NTN5: variants seen among roughly 807,000 people sequenced by gnomAD.
NTN5 encodes the protein netrin 5.
NTN5 carries 42 observed loss-of-function variants against 38.7 expected under a neutral mutation model. The ratio of observed to expected loss-of-function variants is 1.08; its 90% CI spans 0.85 to 1.40. NTN5 has a LOEUF of 1.40. NTN5 is among the 40% of genes most tolerant of loss of function. The pLI is 0.00. For synonymous variants in NTN5, 329 were observed against 303.9 expected (o/e 1.08, Z -0.86); for missense variants, 658 against 716.5 (o/e 0.92, Z 0.93).
intron 2 of NTN5, among the ~76,000 whole-genome samples, chr19:48,669,270 T>C (rs867316170): frequency 8.4e-4 from 3 of 3,560 alleles, no homozygotes; most frequent in African/African-American, 2.1e-3. Flanking sequence ...ACGACCATCA[T>C]CACCACCACC....
rs930033496 is a variant in NTN5 at position 48,661,985 on chromosome 19, C to A, written c.1162G>T (p.Ala388Ser). Residue 388 changes from alanine (A) to serine (S), a missense_variant, in exon 7 of 7, where the codon GCC becomes TCC. Ala to Ser is a moderately conservative substitution (Grantham distance 99). Coordinates refer to ENST00000270235, the MANE Select transcript of NTN5 (RefSeq NM_145807.4). ...EAAGPAWQRL[A>S]VRVLAVYKQR... ...TTGTAAACGGCCAGCACGCGCACGG[C>A]CAGCCGCTGCCATGCCGGGCCCGCC... is the stretch of plus-strand genomic sequence containing the variant. 33 of 1,483,712 alleles carry A rather than the reference C, an allele frequency of 2.2e-5. No homozygotes were observed. The African/African-American group carries it at 4.6e-4, about 21-fold the overall frequency. 91.9% of individuals were successfully genotyped at this position (1,483,712 alleles called of 1,614,324 possible).
chr19:48,668,216 T>C (rs933040962), intron 2 of NTN5, among the ~76,000 whole-genome samples: 3 of 152,064 alleles, frequency 2.0e-5, no homozygotes, highest in Non-Finnish European at 2.9e-5. Context: ...CTGGGTTAAA[T>C]CCCTTGCTGG....
At chr19:48,669,851 A>G (rs1601213499) in intron 2 of NTN5, among the ~76,000 whole-genome samples, 1 of 127,550 alleles carries the variant, frequency 7.8e-6, no homozygotes, top group Non-Finnish European at 1.7e-5. Context: ...CACCACTACC[A>G]TCACCACCAC....
intron 4 of NTN5, 68 bp downstream of exon 4, chr19:48,664,075 G>A (rs1051349741): frequency 1.3e-6 from 2 of 1,509,692 alleles, no homozygotes; most frequent in African/African-American, 1.4e-5. Context: ...CTGCAGCTGT[G>A]CACTGGAGAC....
Position 48,670,603 on chromosome 19 carries a change from A to G in NTN5, c.384T>C (p.Gly128=). Residue 128 remains glycine (G), a synonymous_variant, in exon 2 of 7, where the codon GGT becomes GGC. Coordinates refer to ENST00000270235, the MANE Select transcript of NTN5 (RefSeq NM_145807.4). ...PERVTFHSTP[G]PKATVAASHL... ...GGCTGGCCGCCACAGTGGCCTTAGG[A>G]CCTGGTGTGGAGTGGAAGGTCACCC... 1 of 1,591,922 alleles carries G rather than the reference A, an allele frequency of 6.3e-7. No individual in the cohort carries two copies. The highest frequency in any genetic ancestry group is 8.5e-7 in the Non-Finnish European group (1 of 1,169,850).
At chr19:48,668,349 A>G (rs529490067) in intron 2 of NTN5, among the ~76,000 whole-genome samples, 9 of 152,210 alleles carry the variant, frequency 5.9e-5, no homozygotes, top group African/African-American at 1.2e-4. Flanking sequence ...GGCTTTATTT[A>G]AAGGCTTTAT....
intron 2 of NTN5, among the ~76,000 whole-genome samples, chr19:48,669,746 C>CACCATCACCATCATCACCACT (rs2031871433): frequency 2.3e-5 from 3 of 128,040 alleles, no homozygotes; most frequent in Non-Finnish European, 4.9e-5. Flanking sequence ...CCATCACCAC[C>CACCATCACCATCATCACCACT]ACCATCACCA....
chr19:48,671,256 C>T (rs1274198028), intron 1 of NTN5, among the ~76,000 whole-genome samples: 3 of 152,016 alleles, frequency 2.0e-5, no homozygotes, highest in Non-Finnish European at 4.4e-5. Flanking sequence ...AGTTATCCGT[C>T]AGTGTCGAGG....
chr19:48,662,996 G>T (rs1056455703), intron 6 of NTN5: 10 of 340,256 alleles, frequency 2.9e-5, no homozygotes, highest in Middle Eastern at 1.1e-3. Context: ...GAGCTGAATA[G>T]CCTGAGGTCA....
intron 1 of NTN5, among the ~76,000 whole-genome samples, chr19:48,672,340 G>C (rs1325354773): frequency 6.6e-6 from 1 of 152,182 alleles, no homozygotes; most frequent in Non-Finnish European, 1.5e-5. Flanking sequence ...GCTCACTGTG[G>C]ACTGGGGGCC....
At chr19:48,671,840 A>G (rs1315669655) in intron 1 of NTN5, among the ~76,000 whole-genome samples, 2 of 11,844 alleles carry the variant, frequency 1.7e-4, no homozygotes, top group Admixed American at 6.9e-4. Flanking sequence ...CCAGCGCCCC[A>G]CCCTTAACCC....
intron 2 of NTN5, among the ~76,000 whole-genome samples, chr19:48,668,572 G>C: frequency 1.3e-5 from 2 of 152,222 alleles, no homozygotes; most frequent in South Asian, 4.1e-4. Flanking sequence ...TGTCTGCCAC[G>C]TGGTGTGACA....
At chr19:48,666,281 A>G (rs768826118) in intron 2 of NTN5, among the ~76,000 whole-genome samples, 9 of 152,222 alleles carry the variant, frequency 5.9e-5, no homozygotes, top group Non-Finnish European at 1.3e-4. Flanking sequence ...TAGCATGTGC[A>G]TTATCCTGGG....
At chr19:48,667,626 G>C (rs906025996) in intron 2 of NTN5, among the ~76,000 whole-genome samples, 1 of 152,192 alleles carries the variant, frequency 6.6e-6, no homozygotes, top group African/African-American at 2.4e-5. Context: ...GGAGGCCAAG[G>C]CTGGCAGATC....
At chr19:48,671,567 A>T (rs1402307791) in intron 1 of NTN5, among the ~76,000 whole-genome samples, 3 of 151,790 alleles carry the variant, frequency 2.0e-5, no homozygotes, top group Admixed American at 2.0e-4. Flanking sequence ...TGGGAGACTG[A>T]GGCTCGGACT....
intron 2 of NTN5, among the ~76,000 whole-genome samples, chr19:48,666,444 G>A (rs1425348458): frequency 6.6e-6 from 1 of 151,992 alleles, no homozygotes; most frequent in Non-Finnish European, 1.5e-5. Context: ...GCTGAGGTGG[G>A]AGGATCACTT....
At chr19:48,662,359 T>C in intron 6 of NTN5, 1 of 226,088 alleles carries the variant, frequency 4.4e-6, no homozygotes, top group Non-Finnish European at 8.6e-6. Flanking sequence ...GAAGGAGGGG[T>C]CACATTGCCG....
In NTN5 at chr19:48,664,262, C is replaced by T. The variant is rs778569722; in HGVS notation, c.851G>A (p.Gly284Glu). 2 of 1,613,148 alleles carry T rather than the reference C, an allele frequency of 1.2e-6. No homozygotes were observed. The highest frequency in any genetic ancestry group is 1.1e-5 in the South Asian group (1 of 90,818). ...ACQCHPIGAT[G>E]GTCNQTSGQC... ...CCCACTGGTCTGGTTGCAGGTTCCT[C>T]CTGTTGCCCCAATAGGGTGGCACTG... Residue 284 changes from glycine (G) to glutamate (E), a missense_variant, in exon 4 of 7, where the codon GGA (glycine) becomes GAA (glutamate). Transcript: ENST00000270235.
At chr19:48,670,050 TCAC>T (rs1413581340) in intron 2 of NTN5, among the ~76,000 whole-genome samples, 1 of 136,886 alleles carries the variant, frequency 7.3e-6, no homozygotes, top group Non-Finnish European at 1.6e-5. Context: ...ATCACCATTA[TCAC>T]CACCACCATC....
Sources: allele counts gnomAD v4.1 joint callset (sites outside exome capture counted in the v4.1 genomes callset), GRCh38; gene constraint gnomAD v4.1.1; transcripts MANE v1.5; gene names NCBI Gene and HGNC (gene_info 2026-07-23, HGNC 2026-07-21).